The following GLIS3 variants were observed in gnomAD, a reference collection of about 807,000 sequenced individuals.
GLIS3 encodes GLIS family zinc finger 3.
Under a neutral mutation model 78.6 loss-of-function variants are expected in GLIS3, and 53 were observed. That is an observed-to-expected ratio of 0.67 (90% CI 0.54 to 0.85). The LOEUF (loss-of-function observed/expected upper bound fraction) is 0.85. Among genes scored for constraint, GLIS3 ranks in the 40% least tolerant of loss-of-function variants. The probability of loss-of-function intolerance (pLI) is 0.00; values close to 1 mark genes in which losing one functional copy is unlikely to be tolerated. For synonymous variants in GLIS3, 684 were observed against 509.9 expected (o/e 1.34, Z -4.60); for missense variants, 1,703 against 1,231.1 (o/e 1.38, Z -5.74).
chr9:4,487,223 C>T, the GLIS3 span, among the ~76,000 whole-genome samples: 1,965 of 152,064 alleles, frequency 0.013, 45 homozygotes, highest in African/African-American at 0.045. Flanking sequence ...CAAGAGTTCT[C>T]GTGGGTCTGA....
Position 4,125,892 on chromosome 9 carries a change from G to T in GLIS3, c.438C>A (p.Cys146Ter), listed in dbSNP as rs1383472400. The change falls in exon 3 of 11, where the codon TGC becomes TGA. Residue 146 changes from cysteine to a stop codon, truncating the protein, a stop_gained. Coordinates refer to ENST00000381971, the MANE Select transcript of GLIS3 (RefSeq NM_001042413.2). LOFTEE classifies it high-confidence loss of function. ...PQCKSIGKGS[C>*]NNLVVTSSPM... is the part of the protein sequence containing the mutation. The stretch of plus-strand genomic sequence containing the variant: ...GACTGCTGGTGACCACTAGATTGTT[G>T]CAGCTGCCTTTTCCAATGGACTTGC... The T allele has an allele frequency of 1.2e-6, 2 of 1,613,748 alleles. No homozygotes were observed.
chr9:3,856,586 C>G (rs185500151), intron 8 of GLIS3, among the ~76,000 whole-genome samples: 1 of 152,200 alleles, frequency 6.6e-6, no homozygotes, highest in Non-Finnish European at 1.5e-5. Flanking sequence ...ATCATTTACA[C>G]TTAGCTCACA....
chr9:4,109,488 A>C lies in GLIS3; in HGVS notation c.1710+8280T>G, dbSNP rs551602857. Among the ~76,000 whole-genome samples the C allele has an allele frequency of 2.8e-4, 43 of 152,256 alleles. No homozygotes were observed. The South Asian group carries it at 4.4e-3, about 15-fold the overall frequency. ...TAGCTGATCACTTGGCATAAGATAA[A>C]TGTGTGTTTCATATGATAGCTGCCA... On this transcript the variant is annotated intron_variant, in intron 4 of 10. Coordinates refer to ENST00000381971, the MANE Select transcript of GLIS3 (RefSeq NM_001042413.2).
upstream of GLIS3, among the ~76,000 whole-genome samples, chr9:4,302,214 C>CTAAG (rs374543647): frequency 1.3e-4 from 20 of 152,128 alleles, no homozygotes; most frequent in African/African-American, 4.8e-4. Context: ...CTCTCCCTTA[C>CTAAG]CCATGAGCTC....
At chr9:4,342,498 T>G (rs1469427332) in intron 2 of GLIS3, among the ~76,000 whole-genome samples, 3 of 152,216 alleles carry the variant, frequency 2.0e-5, no homozygotes. Flanking sequence ...ACTGCGGTCT[T>G]GTAGTATAAA....
intron 4 of GLIS3, among the ~76,000 whole-genome samples, chr9:4,089,733 C>T (rs577406767): frequency 5.3e-5 from 8 of 152,110 alleles, no homozygotes; most frequent in East Asian, 1.9e-4. Flanking sequence ...GTGGGAGGAT[C>T]GCTTGAGTCC....
the GLIS3 span, among the ~76,000 whole-genome samples, chr9:4,440,231 G>A: frequency 6.6e-6 from 1 of 152,098 alleles, no homozygotes; most frequent in Non-Finnish European, 1.5e-5. Context: ...TTTGTTGCCT[G>A]TGATTTTGAG....
At chr9:4,336,353 TA>T (rs1817757205) in intron 2 of GLIS3, among the ~76,000 whole-genome samples, 1 of 152,272 alleles carries the variant, frequency 6.6e-6, no homozygotes, top group African/African-American at 2.4e-5. Context: ...TAACTAGCAT[TA>T]AAGTTGCTCC....
chr9:4,216,860 A>G (rs977388547), intron 2 of GLIS3, among the ~76,000 whole-genome samples: 6 of 152,226 alleles, frequency 3.9e-5, no homozygotes, highest in African/African-American at 1.4e-4. Flanking sequence ...TGTCACGTGC[A>G]TTATGTTAAA....
intron 2 of GLIS3, among the ~76,000 whole-genome samples, chr9:4,232,201 G>T (rs189366710): frequency 9.9e-5 from 15 of 152,080 alleles, no homozygotes; most frequent in Non-Finnish European, 2.1e-4. Flanking sequence ...AACATAGCAA[G>T]ATTCTGTCTC....
the GLIS3 span, among the ~76,000 whole-genome samples, chr9:4,489,610 A>G: frequency 2.0e-5 from 3 of 152,172 alleles, no homozygotes; most frequent in African/African-American, 7.2e-5. Context: ...AACACCAAAT[A>G]TATTTGGCAC....
chr9:4,287,424 G>T (rs953406895), intron 1 of GLIS3, among the ~76,000 whole-genome samples: 1 of 152,156 alleles, frequency 6.6e-6, no homozygotes, highest in Non-Finnish European at 1.5e-5. Context: ...TGATGATGCC[G>T]GGTTGTAAAT....
chr9:4,052,241 C>A, intron 4 of GLIS3, among the ~76,000 whole-genome samples: 1 of 152,066 alleles, frequency 6.6e-6, no homozygotes, highest in South Asian at 2.1e-4. Context: ...AGGTACATTT[C>A]GTTTTCAGGA....
chr9:3,847,948 A>T (rs756746728), intron 9 of GLIS3, among the ~76,000 whole-genome samples: 1 of 152,260 alleles, frequency 6.6e-6, no homozygotes, highest in Non-Finnish European at 1.5e-5. Flanking sequence ...TGCTGATGAT[A>T]ACATCAGAAT....
chr9:3,981,505 C>G (rs894679886), intron 4 of GLIS3, among the ~76,000 whole-genome samples: 4 of 152,136 alleles, frequency 2.6e-5, no homozygotes, highest in African/African-American at 9.7e-5. Flanking sequence ...TCCCTGACCC[C>G]ATGAGTCCGG....
intron 9 of GLIS3, among the ~76,000 whole-genome samples, chr9:3,846,978 G>C (rs988812126): frequency 6.6e-6 from 1 of 152,158 alleles, no homozygotes; most frequent in African/African-American, 2.4e-5. Flanking sequence ...GAAGTCAGGA[G>C]TTCAAGACCA....
At chr9:4,357,047 G>C in the GLIS3 span, among the ~76,000 whole-genome samples, 1 of 152,196 alleles carries the variant, frequency 6.6e-6, no homozygotes, top group African/African-American at 2.4e-5. Flanking sequence ...ATATTAGTGA[G>C]TTTACTTATA....
At chr9:4,452,714 G>A in the GLIS3 span, among the ~76,000 whole-genome samples, 1 of 152,182 alleles carries the variant, frequency 6.6e-6, no homozygotes, top group Non-Finnish European at 1.5e-5. Context: ...TGGATAGGAA[G>A]AATCAATATC....
At chr9:4,168,872 C>G (rs1042975604) in intron 2 of GLIS3, among the ~76,000 whole-genome samples, 4 of 152,142 alleles carry the variant, frequency 2.6e-5, no homozygotes, top group African/African-American at 9.7e-5. Context: ...GTCGAAACAT[C>G]AATCTGTTTA....
Sources: allele counts gnomAD v4.1 joint callset (sites outside exome capture counted in the v4.1 genomes callset), GRCh38; gene constraint gnomAD v4.1.1; transcripts MANE v1.5; gene names NCBI Gene and HGNC (gene_info 2026-07-23, HGNC 2026-07-21).